Variants in ZNF385B observed in about 807,000 individuals in gnomAD.
ZNF385B encodes zinc finger protein 385B.
A neutral mutation model predicts 39.2 loss-of-function variants in ZNF385B; 23 were observed. The observed-to-expected ratio is 0.59, with a 90% confidence interval of 0.42 to 0.83. The LOEUF (loss-of-function observed/expected upper bound fraction) is 0.83, where lower values mean the gene tolerates loss of function less well. ZNF385B is among the 40% of genes least tolerant of loss of function. The pLI, the probability that ZNF385B is intolerant of heterozygous loss-of-function variation, is 0.00. For synonymous variants in ZNF385B, 205 were observed against 222.6 expected (o/e 0.92, Z 0.70); for missense variants, 552 against 598.9 (o/e 0.92, Z 0.82).
intron 1 of ZNF385B, among the ~76,000 whole-genome samples, chr2:179,800,900 T>G (rs1265872862): frequency 1.3e-5 from 2 of 152,138 alleles, no homozygotes; most frequent in Non-Finnish European, 2.9e-5. Context: ...CTTACATAAC[T>G]ACAATGTTAT....
intron 1 of ZNF385B, among the ~76,000 whole-genome samples, chr2:179,777,039 T>C (rs2106516803): frequency 6.6e-6 from 1 of 152,128 alleles, no homozygotes; most frequent in Admixed American, 6.6e-5. Flanking sequence ...ACAGTTCAGC[T>C]TCAGCCAAAA....
intron 1 of ZNF385B, among the ~76,000 whole-genome samples, chr2:179,827,361 C>T (rs560115028): frequency 6.6e-6 from 1 of 151,994 alleles, no homozygotes; most frequent in Non-Finnish European, 1.5e-5. Context: ...AATTCTGTCC[C>T]GTAAGCAATA....
intron 3 of ZNF385B, among the ~76,000 whole-genome samples, chr2:179,593,387 G>T (rs1687733923): frequency 6.6e-6 from 1 of 151,924 alleles, no homozygotes; most frequent in Non-Finnish European, 1.5e-5. Context: ...AAGCCACAAG[G>T]AATACGTTTG....
At chr2:179,450,720 T>C (rs2050037714) in intron 6 of ZNF385B, among the ~76,000 whole-genome samples, 2 of 152,064 alleles carry the variant, frequency 1.3e-5, no homozygotes, top group African/African-American at 4.8e-5. Context: ...GAACTAGAAA[T>C]ACCATTTGAC....
chr2:179,844,291 T>A (rs750212834), intron 1 of ZNF385B, among the ~76,000 whole-genome samples: 2 of 152,254 alleles, frequency 1.3e-5, no homozygotes, highest in Non-Finnish European at 2.9e-5. Flanking sequence ...TTAAATTTCC[T>A]TTCTGCTCTT....
chr2:179,495,047 C>A (rs1469165170), intron 5 of ZNF385B, among the ~76,000 whole-genome samples: 1 of 152,092 alleles, frequency 6.6e-6, no homozygotes, highest in African/African-American at 2.4e-5. Context: ...GGATAGAGCA[C>A]CACGTGTACT....
chr2:179,581,344 T>C (rs529760270), intron 3 of ZNF385B, among the ~76,000 whole-genome samples: 2 of 152,336 alleles, frequency 1.3e-5, no homozygotes, highest in East Asian at 3.9e-4. Flanking sequence ...ACAAGTACAG[T>C]TAAAAAAATT....
intron 3 of ZNF385B, among the ~76,000 whole-genome samples, chr2:179,633,304 A>G (rs1022357128): frequency 6.6e-6 from 1 of 152,238 alleles, no homozygotes; most frequent in African/African-American, 2.4e-5. Context: ...AAAATCCTCA[A>G]TAAGATACTG....
intron 3 of ZNF385B, among the ~76,000 whole-genome samples, chr2:179,696,625 C>T (rs182049704): frequency 6.6e-6 from 1 of 152,136 alleles, no homozygotes; most frequent in Admixed American, 6.5e-5. Context: ...CACCTATGAG[C>T]AGCACTGGCC....
intron 1 of ZNF385B, among the ~76,000 whole-genome samples, chr2:179,825,296 T>C (rs991249930): frequency 2.6e-5 from 4 of 152,298 alleles, no homozygotes; most frequent in African/African-American, 7.2e-5. Context: ...GCCAGTCTAG[T>C]TCCCAATGGC....
At chr2:179,456,381 C>T (rs2050709527) in intron 6 of ZNF385B, among the ~76,000 whole-genome samples, 2 of 152,120 alleles carry the variant, frequency 1.3e-5, no homozygotes, top group South Asian at 4.1e-4. Flanking sequence ...TTTACCTATC[C>T]AACAGACATA....
In ZNF385B at chr2:179,493,707, A is replaced by ATG. The variant is rs1491366019; in HGVS notation, c.553-10274_553-10273insCA. Among the ~76,000 whole-genome samples the ATG allele has an allele frequency of 1.9e-3, 190 of 102,560 alleles. 3 individuals carry two copies. Among genetic ancestry groups the ATG allele is most frequent in the East Asian group, 5.3e-3 (17 of 3,196 alleles). 67.3% of individuals were successfully genotyped at this position (102,560 alleles called of 152,430 possible). A position where few individuals can be genotyped will look rare whatever the true frequency, so the allele number is the denominator to read the frequency against. Reference sequence around the variant, plus strand: ...TATACACATATATACATATATGTATACACATATGCATATACGTATATACAT... The same window carrying ATG: ...TATACACATATATACATATATGTATATGCACATATGCATATACGTATATACAT... On this transcript the variant is annotated intron_variant, in intron 5 of 9. Coordinates refer to ENST00000410066, the MANE Select transcript of ZNF385B (RefSeq NM_152520.6).
chr2:179,559,548 A>G (rs930560372), intron 3 of ZNF385B, among the ~76,000 whole-genome samples: 1 of 152,112 alleles, frequency 6.6e-6, no homozygotes, highest in Admixed American at 6.6e-5. Flanking sequence ...GTACTATTAT[A>G]CTGACCTTGT....
intron 3 of ZNF385B, among the ~76,000 whole-genome samples, chr2:179,546,275 A>C (rs1404387523): frequency 6.6e-6 from 1 of 151,978 alleles, no homozygotes; most frequent in Non-Finnish European, 1.5e-5. Context: ...AGGCTCAAGC[A>C]ACCCATCAGT....
intron 5 of ZNF385B, among the ~76,000 whole-genome samples, chr2:179,489,811 A>G (rs2105640180): frequency 6.6e-6 from 1 of 152,344 alleles, no homozygotes; most frequent in Middle Eastern, 3.4e-3. Context: ...ATGACATACT[A>G]TTGGCTTTGA....
chr2:179,476,179 G>GT (rs1243204740), intron 6 of ZNF385B, among the ~76,000 whole-genome samples: 1 of 152,084 alleles, frequency 6.6e-6, no homozygotes, highest in South Asian at 2.1e-4. Flanking sequence ...CCTGAAGCAA[G>GT]TAAGTAGAGT....
In ZNF385B at chr2:179,467,462, C is replaced by G. The variant is rs2052196282; in HGVS notation, c.715+15810G>C. On this transcript the variant is annotated intron_variant, in intron 6 of 9. Transcript: ENST00000410066. ...TCTGCCATTTTGTAGAAGTGGAAAACAAAACAGAATACTTAAGTCATAAGC... is the reference window on the plus strand; with the variant it reads ...TCTGCCATTTTGTAGAAGTGGAAAAGAAAACAGAATACTTAAGTCATAAGC... Among the ~76,000 whole-genome samples the G allele has an allele frequency of 2.0e-5, 3 of 152,262 alleles. No individual in the cohort carries two copies. In the South Asian group the frequency reaches 6.2e-4, roughly 32 times the overall value.
At chr2:179,744,330 A>ATCC (rs3082228) in intron 3 of ZNF385B, among the ~76,000 whole-genome samples, 1 of 149,628 alleles carries the variant, frequency 6.7e-6, no homozygotes, top group Non-Finnish European at 1.5e-5. Context: ...TTTTTTTTAA[A>ATCC]TCATAGAGAC....
intron 3 of ZNF385B, among the ~76,000 whole-genome samples, chr2:179,605,026 A>G (rs1280225595): frequency 4.6e-5 from 7 of 152,092 alleles, no homozygotes; most frequent in Non-Finnish European, 7.4e-5. Flanking sequence ...TATTGAAAGT[A>G]TATCCTATAT....
Sources: gnomAD v4.1 joint callset for allele counts (sites outside exome capture counted in the v4.1 genomes callset) on GRCh38, gnomAD v4.1.1 for gene constraint, MANE v1.5 for transcripts, NCBI Gene and HGNC (gene_info 2026-07-23, HGNC 2026-07-21) for gene names.